FOXP1: variants seen among roughly 807,000 people sequenced by gnomAD.
The protein encoded by FOXP1 is forkhead box protein P1.
In FOXP1, 15 loss-of-function variants were observed where a neutral mutation model predicts 98.2. The observed-to-expected ratio is 0.15, with a 90% CI of 0.10 to 0.24. FOXP1 has a LOEUF of 0.24. Among genes scored for constraint, FOXP1 ranks in the 10% least tolerant of loss-of-function variants. The pLI, the probability that FOXP1 is intolerant of heterozygous loss-of-function variation, is 1.00. For synonymous variants in FOXP1, 371 were observed against 314.5 expected, an observed-to-expected ratio of 1.18 and a Z score of -1.90; for missense variants, 633 against 848.5, an observed-to-expected ratio of 0.75 and a Z score of 3.15.
intron 14 of FOXP1, among the ~76,000 whole-genome samples, chr3:70,980,161 A>G (rs747454795): frequency 3.3e-5 from 5 of 152,154 alleles, no homozygotes; most frequent in Admixed American, 6.5e-5. Context: ...TAGCAGCCGC[A>G]GGATGGGGCA....
intron 5 of FOXP1, among the ~76,000 whole-genome samples, chr3:71,222,707 C>G (rs941463402): frequency 6.6e-6 from 1 of 152,234 alleles, no homozygotes; most frequent in African/African-American, 2.4e-5. Flanking sequence ...AAATACTTCA[C>G]TGTCTTCCCC....
chr3:71,048,970 T>C (rs551376211), intron 9 of FOXP1, among the ~76,000 whole-genome samples: 1 of 152,194 alleles, frequency 6.6e-6, no homozygotes, highest in African/African-American at 2.4e-5. Flanking sequence ...AAAGCCAGGA[T>C]ATAAAAGTAT....
intron 11 of FOXP1, among the ~76,000 whole-genome samples, chr3:71,033,304 C>T (rs1489100032): frequency 6.6e-6 from 1 of 152,144 alleles, no homozygotes; most frequent in African/African-American, 2.4e-5. Context: ...GGTGGGAAAT[C>T]TGGCACATTA....
chr3:71,164,692 G>T (rs556792477), intron 6 of FOXP1, among the ~76,000 whole-genome samples: 1 of 152,116 alleles, frequency 6.6e-6, no homozygotes, highest in Non-Finnish European at 1.5e-5. Flanking sequence ...ATCTCTTCAC[G>T]TGTACACATT....
At chr3:71,177,936 G>C (rs1206922113) in intron 6 of FOXP1, among the ~76,000 whole-genome samples, 6 of 145,744 alleles carry the variant, frequency 4.1e-5, no homozygotes, top group Non-Finnish European at 7.4e-5. Context: ...TGACCTCCCA[G>C]GCTCACCTTT....
intron 6 of FOXP1, among the ~76,000 whole-genome samples, chr3:71,140,690 A>G (rs570098626): frequency 1.6e-4 from 25 of 152,276 alleles, no homozygotes; most frequent in South Asian, 1.2e-3. Context: ...ATCTTGCCCA[A>G]TGTCACACAG....
intron 5 of FOXP1, among the ~76,000 whole-genome samples, chr3:71,210,022 G>T (rs900707009): frequency 1.3e-5 from 2 of 152,090 alleles, no homozygotes; most frequent in African/African-American, 2.4e-5. Context: ...GATATCCAAA[G>T]CAAAATATGG....
At chr3:71,024,216 C>T (rs376768117) in intron 11 of FOXP1, among the ~76,000 whole-genome samples, 3 of 152,128 alleles carry the variant, frequency 2.0e-5, no homozygotes, top group African/African-American at 4.8e-5. Context: ...GGGCCGCATG[C>T]GTTTCCCTGG....
At chr3:71,469,142 G>T (rs558385787) in intron 3 of FOXP1, among the ~76,000 whole-genome samples, 3 of 152,158 alleles carry the variant, frequency 2.0e-5, no homozygotes, top group Non-Finnish European at 4.4e-5. Flanking sequence ...AATTTATTCT[G>T]CATGTGTGAT....
chr3:71,214,372 G>C (rs560026250), intron 5 of FOXP1, among the ~76,000 whole-genome samples: 42 of 152,198 alleles, frequency 2.8e-4, no homozygotes, highest in Non-Finnish European at 5.3e-4. Flanking sequence ...AGGTAGAACA[G>C]GTACCAACAG....
At chr3:71,484,426 A>G (rs1429444317) in intron 3 of FOXP1, among the ~76,000 whole-genome samples, 1 of 152,220 alleles carries the variant, frequency 6.6e-6, no homozygotes, top group East Asian at 1.9e-4. Context: ...CACCCACCAA[A>G]TAGTGCCACC....
intron 11 of FOXP1, among the ~76,000 whole-genome samples, chr3:71,016,750 G>A (rs2044559504): frequency 6.6e-6 from 1 of 151,722 alleles, no homozygotes; most frequent in Non-Finnish European, 1.5e-5. Context: ...GTATATTCAT[G>A]TATTTTATCA....
At chr3:71,259,573 C>T (rs954927787) in intron 5 of FOXP1, among the ~76,000 whole-genome samples, 2 of 152,064 alleles carry the variant, frequency 1.3e-5, no homozygotes, top group African/African-American at 2.4e-5. Flanking sequence ...ACCCTATGGG[C>T]GTCTGGTAAA....
intron 3 of FOXP1, among the ~76,000 whole-genome samples, chr3:71,439,296 G>A (rs1311679630): frequency 6.6e-6 from 1 of 152,176 alleles, no homozygotes; most frequent in African/African-American, 2.4e-5. Context: ...CTTTCTGTGT[G>A]TCCATGTGCA....
At position 71,528,129 on chromosome 3, in the gene FOXP1, T is replaced by C. The variant is rs148958917; in HGVS notation, c.-297-34574A>G. ...CAGATCCCCAACAATGCAGTCACTATTGTGGTTTCTTCTTGGTTCTCTTTA... is the reference window on the plus strand; with the variant it reads ...CAGATCCCCAACAATGCAGTCACTACTGTGGTTTCTTCTTGGTTCTCTTTA... On this transcript the variant is annotated intron_variant, in intron 2 of 20. Coordinates refer to ENST00000649528, the MANE Select transcript of FOXP1 (RefSeq NM_001349338.3). Among the ~76,000 whole-genome samples, 398 of 152,360 alleles carry C rather than the reference T, an allele frequency of 2.6e-3. 7 individuals are homozygous for C. The East Asian group carries it at 0.066, about 25-fold the overall frequency.
chr3:71,210,712 AG>A (rs2064391788), intron 5 of FOXP1: 1 of 152,184 alleles, frequency 6.6e-6, no homozygotes, highest in Non-Finnish European at 1.5e-5. Context: ...GATGACTAGG[AG>A]GTAGAGAAAA....
At chr3:71,077,649 C>T (rs1475953552) in intron 7 of FOXP1, among the ~76,000 whole-genome samples, 1 of 152,200 alleles carries the variant, frequency 6.6e-6, no homozygotes, top group Non-Finnish European at 1.5e-5. Flanking sequence ...CATTCCATTA[C>T]ATATTGAACT....
chr3:71,046,888 C>A lies in FOXP1; in HGVS notation c.664+54G>T, dbSNP rs183936133. On this transcript the variant is annotated intron_variant, in intron 10 of 20. Coordinates refer to ENST00000649528, the MANE Select transcript of FOXP1 (RefSeq NM_001349338.3). Reference sequence around the variant, plus strand: ...ACAAATATACCAAGAGACAACCCACCACCTCCACCCAAAGTCTTCACAGAG... The same window carrying A: ...ACAAATATACCAAGAGACAACCCACAACCTCCACCCAAAGTCTTCACAGAG... 9 of 1,598,552 alleles carry A rather than the reference C, an allele frequency of 5.6e-6. No homozygotes were observed. In the Admixed American group the frequency reaches 1.3e-4, roughly 24 times the overall value.
chr3:70,973,456 A>T (rs1447067671), intron 17 of FOXP1, among the ~76,000 whole-genome samples: 2 of 152,198 alleles, frequency 1.3e-5, no homozygotes, highest in South Asian at 2.1e-4. Flanking sequence ...CTTTCTGGCC[A>T]TTCCTAAGCT....
Sources: allele counts gnomAD v4.1 joint callset (sites outside exome capture counted in the v4.1 genomes callset), GRCh38; gene constraint gnomAD v4.1.1; transcripts MANE v1.5; gene names NCBI Gene and HGNC (gene_info 2026-07-23, HGNC 2026-07-21).